The following MGMT variants were observed in gnomAD, a reference collection of about 807,000 sequenced individuals.
MGMT encodes the protein O-6-methylguanine-DNA methyltransferase.
A neutral mutation model predicts 15.9 loss-of-function variants in MGMT; 14 were observed. The ratio of observed to expected loss-of-function variants is 0.88; its 90% CI spans 0.58 to 1.37. The LOEUF (loss-of-function observed/expected upper bound fraction) is 1.37. Among genes scored for constraint, MGMT ranks in the 40% most tolerant of loss-of-function variants. The probability of loss-of-function intolerance (pLI) is 0.00; values close to 1 mark genes in which losing one functional copy is unlikely to be tolerated. For missense variants in MGMT, 282 were observed against 268.1 expected (o/e 1.05, Z -0.36); for synonymous variants, 130 against 118.2 (o/e 1.10, Z -0.65).
chr10:129,584,839 A>G (rs1846600648), intron 2 of MGMT, among the ~76,000 whole-genome samples: 1 of 152,192 alleles, frequency 6.6e-6, no homozygotes, highest in African/African-American at 2.4e-5. Context: ...CGGCCAAACA[A>G]TATCCCATCA....
chr10:129,616,874 A>T (rs1847033623), intron 2 of MGMT, among the ~76,000 whole-genome samples: 1 of 152,024 alleles, frequency 6.6e-6, no homozygotes, highest in African/African-American at 2.4e-5. Context: ...TCCTCCCCCG[A>T]GGAGGTGGTC....
At chr10:129,553,901 T>A (rs770723585) in intron 2 of MGMT, among the ~76,000 whole-genome samples, 2 of 152,212 alleles carry the variant, frequency 1.3e-5, no homozygotes, top group Non-Finnish European at 2.9e-5. Flanking sequence ...GTGAGAAGCG[T>A]AGGCCTACTG....
chr10:129,685,579 CT>C (rs1847896470), intron 2 of MGMT, among the ~76,000 whole-genome samples: 1 of 152,226 alleles, frequency 6.6e-6, no homozygotes, highest in African/African-American at 2.4e-5. Context: ...TATTCACCCA[CT>C]TGTGTTCTCT....
chr10:129,478,333 C>A (rs1845318842), intron 1 of MGMT, among the ~76,000 whole-genome samples: 1 of 152,178 alleles, frequency 6.6e-6, no homozygotes, highest in Admixed American at 6.5e-5. Context: ...CTACATCTCT[C>A]AGAACCATAC....
chr10:129,488,997 A>G (rs1022213676), intron 1 of MGMT, among the ~76,000 whole-genome samples: 2 of 152,140 alleles, frequency 1.3e-5, no homozygotes, highest in South Asian at 4.1e-4. Context: ...CTCCTGTTCC[A>G]TTGATCTTTT....
At chr10:129,590,162 C>T (rs150692405) in intron 2 of MGMT, among the ~76,000 whole-genome samples, 8 of 152,366 alleles carry the variant, frequency 5.3e-5, no homozygotes, top group African/African-American at 1.9e-4. Flanking sequence ...ACATTCTCTG[C>T]TAATTCCCTT....
chr10:129,736,079 T>A (rs1350939795), intron 3 of MGMT, among the ~76,000 whole-genome samples: 1 of 134,052 alleles, frequency 7.5e-6, no homozygotes, highest in East Asian at 2.6e-4. Context: ...TATTAGGTCC[T>A]CTTGGTGCAG....
chr10:129,714,827 C>G (rs1015400075), intron 3 of MGMT, among the ~76,000 whole-genome samples: 5 of 152,196 alleles, frequency 3.3e-5, no homozygotes, highest in African/African-American at 1.2e-4. Context: ...TGCTCGGCTC[C>G]TGGTCCACTG....
At chr10:129,739,165 G>T (rs1398604695) in intron 3 of MGMT, among the ~76,000 whole-genome samples, 2 of 152,134 alleles carry the variant, frequency 1.3e-5, no homozygotes, top group African/African-American at 2.4e-5. Flanking sequence ...CAAATAATAA[G>T]AGCTATTTAT....
At chr10:129,642,910 C>A (rs1847343899) in intron 2 of MGMT, among the ~76,000 whole-genome samples, 1 of 151,414 alleles carries the variant, frequency 6.6e-6, no homozygotes, top group Admixed American at 6.6e-5. Flanking sequence ...CCAGCCTGGG[C>A]TGCAGAATAA....
At chr10:129,725,870 G>A (rs923821538) in intron 3 of MGMT, among the ~76,000 whole-genome samples, 13 of 152,218 alleles carry the variant, frequency 8.5e-5, no homozygotes, top group African/African-American at 1.7e-4. Flanking sequence ...CTGCTGTCAC[G>A]TGTCTGCACT....
At chr10:129,616,346 G>A (rs563591613) in intron 2 of MGMT, among the ~76,000 whole-genome samples, 35 of 152,322 alleles carry the variant, frequency 2.3e-4, no homozygotes, top group Middle Eastern at 6.8e-3. Flanking sequence ...GGCCAGTGCT[G>A]GTCGCCTCCA....
In MGMT at chr10:129,497,964, A is replaced by C. The variant is rs535441357; in HGVS notation, c.-13+30668A>C. ...GATGAATTTCTGTTGTTTACAAAGC[A>C]CCCAGTCTAAGGTATTTTATTCCAG... is the stretch of plus-strand genomic sequence containing the variant. On this transcript the variant is annotated intron_variant, in intron 1 of 4. Coordinates refer to ENST00000651593, the MANE Select transcript of MGMT (RefSeq NM_002412.5). Among the ~76,000 whole-genome samples, 16 of 152,352 alleles carry C rather than the reference A, an allele frequency of 1.1e-4. No homozygotes were observed. The East Asian group carries it at 3.1e-3, about 29-fold the overall frequency.
intron 2 of MGMT, among the ~76,000 whole-genome samples, chr10:129,657,761 G>A (rs1847548124): frequency 6.8e-6 from 1 of 148,122 alleles, no homozygotes; most frequent in Non-Finnish European, 1.5e-5. Context: ...AAGGACTGCG[G>A]CCTCTTAGCG....
chr10:129,637,940 G>A (rs1007894125), intron 2 of MGMT, among the ~76,000 whole-genome samples: 22 of 152,214 alleles, frequency 1.4e-4, no homozygotes, highest in Admixed American at 1.3e-4. Flanking sequence ...ATGGTATTTT[G>A]TTATGGCAGC....
chr10:129,591,950 A>G (rs777977588), intron 2 of MGMT, among the ~76,000 whole-genome samples: 1 of 152,200 alleles, frequency 6.6e-6, no homozygotes, highest in Non-Finnish European at 1.5e-5. Flanking sequence ...ATAAATAAAT[A>G]AAAAAGAATG....
At chr10:129,537,189 C>T (rs116884717) in intron 2 of MGMT, 2 of 151,816 alleles carry the variant, frequency 1.3e-5, no homozygotes, top group Non-Finnish European at 2.9e-5. Context: ...CTTGGTGTTT[C>T]TCTTAACTGG....
chr10:129,547,855 A>G (rs533417496), intron 2 of MGMT, among the ~76,000 whole-genome samples: 15 of 152,284 alleles, frequency 9.9e-5, no homozygotes, highest in Admixed American at 2.6e-4. Flanking sequence ...ACAGATCTGC[A>G]CTGGTCAGGT....
intron 2 of MGMT, among the ~76,000 whole-genome samples, chr10:129,540,989 C>G (rs1234154745): frequency 6.6e-6 from 1 of 152,204 alleles, no homozygotes; most frequent in Non-Finnish European, 1.5e-5. Flanking sequence ...TGGCCCCTGC[C>G]CTCACCCTTC....
Sources: allele counts gnomAD v4.1 joint callset (sites outside exome capture counted in the v4.1 genomes callset), GRCh38; gene constraint gnomAD v4.1.1; transcripts MANE v1.5; gene names NCBI Gene and HGNC (gene_info 2026-07-23, HGNC 2026-07-21).